Variants in TAPBPL observed in about 807,000 individuals in gnomAD.
The protein encoded by TAPBPL is TAP binding protein like.
In TAPBPL, 32 loss-of-function variants were observed where a neutral mutation model predicts 44.8. The observed-to-expected ratio is 0.71, with a 90% CI of 0.54 to 0.96. The LOEUF (loss-of-function observed/expected upper bound fraction) is 0.96, where lower values mean the gene tolerates loss of function less well. Ranked by LOEUF, TAPBPL falls within the 40% of genes least tolerant of loss-of-function variation. TAPBPL has a pLI of 0.00. For synonymous variants in TAPBPL, 230 were observed against 240.7 expected, an observed-to-expected ratio of 0.96 and a Z score of 0.41; for missense variants, 520 against 586.6, an observed-to-expected ratio of 0.89 and a Z score of 1.17.
intron 4 of TAPBPL, 131 bp downstream of exon 4, chr12:6,457,875 C>G: frequency 9.9e-7 from 1 of 1,009,478 alleles, no homozygotes; most frequent in East Asian, 2.7e-5. Context: ...TAAATGCCAT[C>G]TTCACCATGG....
At chr12:6,454,905 G>C (rs1949663802) in intron 3 of TAPBPL, among the ~76,000 whole-genome samples, 1 of 151,970 alleles carries the variant, frequency 6.6e-6, no homozygotes, top group Non-Finnish European at 1.5e-5. Context: ...GCCAAGTCCA[G>C]AGAAAATTAG....
At chr12:6,458,579 G>A (rs760300218) in intron 4 of TAPBPL, 66 bp from the exon 5 acceptor site, 2 of 1,557,104 alleles carry the variant, frequency 1.3e-6, no homozygotes, top group Non-Finnish European at 1.7e-6. Context: ...GGAAGAAAAG[G>A]CTTCAGGCTC....
Position 6,453,464 on chromosome 12 carries a change from C to T in TAPBPL, c.313C>T (p.Pro105Ser). Residue 105 changes from proline (P) to serine (S), a missense_variant, in exon 3 of 7, where the codon CCC becomes TCC. Physicochemically the swap from Pro to Ser is moderately conservative, Grantham distance 74 (BLOSUM62 -1). Coordinates refer to ENST00000266556, the MANE Select transcript of TAPBPL (RefSeq NM_018009.5). This position sits in a 1 kb window ranked among gnomAD's most constrained non-coding sequence, Gnocchi z 4.8. ...CTCCCCAGTGGACCTGGTCCAGATT[C>T]CCCAGGCCGAGGCCTTGCTCCATGC... Reference protein sequence around the residue: ...FEASVDLVQIPQAEALLHADC... With the variant: ...FEASVDLVQISQAEALLHADC... 1.2e-6 allele frequency: 2 copies of T among 1,614,130 alleles called. No homozygotes were observed. Among genetic ancestry groups the T allele is most frequent in the East Asian group, 2.2e-5 (1 of 44,880 alleles).
At chr12:6,457,323 C>A in intron 3 of TAPBPL, 83 bp from the exon 4 acceptor site, 1 of 1,380,400 alleles carries the variant, frequency 7.2e-7, no homozygotes, top group Admixed American at 2.0e-5. Flanking sequence ...CAGGTGTATG[C>A]CCACAACATG....
chr12:6,456,823 TTG>T (rs958282347), intron 3 of TAPBPL, among the ~76,000 whole-genome samples: 1 of 152,012 alleles, frequency 6.6e-6, no homozygotes, highest in Non-Finnish European at 1.5e-5. Context: ...CGGCTAATTT[TTG>T]TGTTTTTAGT....
At chr12:6,462,556 G>A, downstream of TAPBPL, 1 of 556,100 alleles carries the variant, frequency 1.8e-6, no homozygotes, top group Non-Finnish European at 3.2e-6. Context: ...GAGGGTACAG[G>A]GTGGGTGAGA....
chr12:6,463,633 A>G, downstream of TAPBPL: 1 of 1,081,418 alleles, frequency 9.2e-7, no homozygotes, highest in South Asian at 2.5e-5. This position sits in a 1 kb window ranked among gnomAD's most constrained non-coding sequence, Gnocchi z 4.0. Context: ...TTATGCCAAC[A>G]ATTAACTGGG....
chr12:6,453,727 G>GA lies in TAPBPL; in HGVS notation c.565+15dup, dbSNP rs777793770. The GA allele has an allele frequency of 6.3e-6, 10 of 1,576,532 alleles. No homozygotes were observed. The African/African-American group carries it at 9.5e-5, about 15-fold the overall frequency. The stretch of plus-strand genomic sequence containing the variant: ...CTGTGCGAACTGCAGGTAAGAAAAT[G>GA]AAAAGCAAGGCCAGGTGTGGTGGCT... On this transcript the variant is annotated intron_variant, in intron 3 of 6. Transcript: ENST00000266556. The surrounding 1 kb of genome is among the most constrained non-coding windows in gnomAD (Gnocchi z 4.8).
Position 6,458,737 on chromosome 12 carries a change from G to A in TAPBPL, c.997G>A (p.Val333Met). 1 of 1,614,178 alleles carries A rather than the reference G, an allele frequency of 6.2e-7. No homozygotes were observed. Among genetic ancestry groups the A allele is most frequent in the East Asian group, 2.2e-5 (1 of 44,884 alleles). Reference protein sequence around the residue: ...IAGYYPLDVVVTWTREELGGS... With the variant: ...IAGYYPLDVVMTWTREELGGS... ...TGGCTATTACCCTCTGGATGTGGTGGTGACGTGGACCCGAGAGGAGCTGGG... is the reference window on the plus strand; with the variant it reads ...TGGCTATTACCCTCTGGATGTGGTGATGACGTGGACCCGAGAGGAGCTGGG... The change falls in exon 5 of 7, where the codon GTG becomes ATG. Residue 333 changes from valine (V) to methionine (M), a missense_variant. Physicochemically the swap from Val to Met is conservative, Grantham distance 21. Coordinates refer to ENST00000266556, the MANE Select transcript of TAPBPL (RefSeq NM_018009.5).
At chr12:6,465,935 C>T (rs536531651), downstream of TAPBPL, 2 of 1,614,270 alleles carry the variant, frequency 1.2e-6, no homozygotes, top group African/African-American at 2.7e-5. Flanking sequence ...CTCGGTCATC[C>T]AGCTCTGACA....
In TAPBPL at chr12:6,460,952, T is replaced by C. The variant is rs747940930; in HGVS notation, c.1291+14T>C. 3.1e-6 allele frequency: 5 copies of C among 1,613,964 alleles called. No homozygotes were observed. The South Asian group carries it at 5.5e-5, about 18-fold the overall frequency. Reference sequence around the variant, plus strand: ...AGAGACGGCAAGGTAAGAGCCTGGGTGCCCTTGGCTCTGGCCCTGGCCCAC... The same window carrying C: ...AGAGACGGCAAGGTAAGAGCCTGGGCGCCCTTGGCTCTGGCCCTGGCCCAC... On this transcript the variant is annotated intron_variant, in intron 6 of 6. Transcript: ENST00000266556.
chr12:6,457,606 G>A lies in TAPBPL; in HGVS notation c.766G>A (p.Glu256Lys). 1 of 1,614,198 alleles carries A rather than the reference G, an allele frequency of 6.2e-7. No individual in the cohort carries two copies. Among genetic ancestry groups the A allele is most frequent in the Non-Finnish European group, 8.5e-7 (1 of 1,180,032 alleles). The change falls in exon 4 of 7, where the codon GAG becomes AAG. Residue 256 changes from glutamate to lysine, a missense_variant. Coordinates refer to ENST00000266556, the MANE Select transcript of TAPBPL (RefSeq NM_018009.5). ...GGCTGTGCGGAAGGGCGCTACCCTG[G>A]AGCCTGCACAACTGGGCATGGCCAG... Reference protein sequence around the residue: ...GQAVRKGATLEPAQLGMARDA... With the variant: ...GQAVRKGATLKPAQLGMARDA...
downstream of TAPBPL, chr12:6,465,466 A>AGAGTGT (rs201563012): frequency 0.016 from 1,684 of 103,428 alleles, 109 homozygotes; most frequent in African/African-American, 0.074. Context: ...GTGTATATAT[A>AGAGTGT]GTGTGTGTGT....
intron 5 of TAPBPL, among the ~76,000 whole-genome samples, chr12:6,460,528 A>G (rs1949827128): frequency 6.6e-6 from 1 of 152,106 alleles, no homozygotes; most frequent in African/African-American, 2.4e-5. Context: ...CAGCCTCCCA[A>G]AGTTCTGGGA....
chr12:6,455,805 G>A (rs1311454347), intron 3 of TAPBPL, among the ~76,000 whole-genome samples: 2 of 146,220 alleles, frequency 1.4e-5, no homozygotes, highest in Non-Finnish European at 3.0e-5. Flanking sequence ...CTGTCTCCCA[G>A]GCTGGAGTGC....
intron 1 of TAPBPL, chr12:6,452,514 A>T: frequency 7.0e-7 from 1 of 1,428,488 alleles, no homozygotes; most frequent in Non-Finnish European, 9.2e-7. Flanking sequence ...CCACAGGGAA[A>T]ATGCTAAAGA....
downstream of TAPBPL, among the ~76,000 whole-genome samples, chr12:6,471,271 C>G (rs1592154338): frequency 6.6e-6 from 1 of 152,186 alleles, no homozygotes; most frequent in South Asian, 2.1e-4. This position sits in a 1 kb window ranked among gnomAD's most constrained non-coding sequence, Gnocchi z 4.0. Flanking sequence ...TCGTTTCTTT[C>G]AACATAGCCT....
At chr12:6,463,242 C>G, downstream of TAPBPL, 4 of 1,387,420 alleles carry the variant, frequency 2.9e-6, no homozygotes, top group Non-Finnish European at 3.7e-6. This position sits in a 1 kb window ranked among gnomAD's most constrained non-coding sequence, Gnocchi z 4.0. Context: ...ACAGGAAGAA[C>G]AGAGAGGCGG....
downstream of TAPBPL, among the ~76,000 whole-genome samples, chr12:6,471,156 C>T (rs1420567904): frequency 1.3e-5 from 2 of 152,200 alleles, no homozygotes; most frequent in Non-Finnish European, 2.9e-5. This position sits in a 1 kb window ranked among gnomAD's most constrained non-coding sequence, Gnocchi z 4.0. Context: ...CTAACTAACG[C>T]TCTGAGAGGG....
Sources: gnomAD v4.1 joint callset for allele counts (sites outside exome capture counted in the v4.1 genomes callset) on GRCh38, gnomAD v4.1.1 for gene constraint, Gnocchi (gnomAD v3.1) non-coding constraint, MANE v1.5 for transcripts, NCBI Gene and HGNC (gene_info 2026-07-23, HGNC 2026-07-21) for gene names.